SPTLC1: variants seen among roughly 807,000 people sequenced by gnomAD.
The protein encoded by SPTLC1 is serine palmitoyltransferase long chain base subunit 1.
SPTLC1 carries 55 observed loss-of-function variants against 68.9 expected under a neutral mutation model. That is an observed-to-expected ratio of 0.80 (90% CI 0.64 to 1.00). The LOEUF is 1.00. Among genes scored for constraint, SPTLC1 ranks in the 50% least tolerant of loss-of-function variants. SPTLC1 has a pLI of 0.00. For missense variants in SPTLC1, 449 were observed against 573.1 expected (o/e 0.78, Z 2.21); for synonymous variants, 197 against 201.6 (o/e 0.98, Z 0.19).
At chr9:92,073,969 G>C (rs1426744327) in intron 5 of SPTLC1, among the ~76,000 whole-genome samples, 2 of 152,214 alleles carry the variant, frequency 1.3e-5, no homozygotes, top group Admixed American at 6.5e-5. Flanking sequence ...ATGCCCCTGT[G>C]TGGGCCCTCA....
At chr9:92,101,539 GC>G (rs1835749761) in intron 3 of SPTLC1, among the ~76,000 whole-genome samples, 1 of 135,358 alleles carries the variant, frequency 7.4e-6, no homozygotes, top group African/African-American at 2.8e-5. Flanking sequence ...TCCAGCCTGG[GC>G]GACAGAGCAA....
intron 3 of SPTLC1, chr9:92,104,343 A>C: frequency 1.4e-6 from 2 of 1,387,820 alleles, no homozygotes; most frequent in Non-Finnish European, 1.9e-6. Flanking sequence ...CTGCCCCGGG[A>C]ATCTGGGGCC....
rs200751691 is a variant in SPTLC1, at chr9:92,068,052, T to G, written c.474A>C (p.Thr158=). The G allele has an allele frequency of 3.7e-5, 59 of 1,614,116 alleles. No homozygotes were observed. Among genetic ancestry groups the G allele is most frequent in the Non-Finnish European group, 4.7e-5 (56 of 1,179,984 alleles). ...CATATGAGTATATAATGGCTTCTTCTGTCTTCATAAATTTTGCCAGGCGGT... is the reference window on the plus strand; with the variant it reads ...CATATGAGTATATAATGGCTTCTTCGGTCTTCATAAATTTTGCCAGGCGGT... ...LEDRLAKFMK[T]EEAIIYSYGF... is the part of the protein sequence containing the mutation. Residue 158 remains threonine, a synonymous_variant, in exon 6 of 15, where the codon ACA becomes ACC. Transcript: ENST00000262554.
At chr9:92,078,882 A>C (rs751588340) in intron 5 of SPTLC1, among the ~76,000 whole-genome samples, 10 of 152,234 alleles carry the variant, frequency 6.6e-5, no homozygotes, top group Admixed American at 2.0e-4. Context: ...CTTAGGGATA[A>C]CATAAGGTGC....
chr9:92,108,888 A>T, intron 2 of SPTLC1, 54 bp from the exon 3 acceptor site: 1 of 1,584,522 alleles, frequency 6.3e-7, no homozygotes, highest in Non-Finnish European at 8.6e-7. Context: ...ATCAATTATT[A>T]GTGTCTCTGC....
At chr9:92,054,026 A>C in intron 8 of SPTLC1, 1 of 950,852 alleles carries the variant, frequency 1.1e-6, no homozygotes, top group Non-Finnish European at 1.3e-6. Flanking sequence ...TCACGCCTGT[A>C]ATCTCAGCAC....
intron 3 of SPTLC1, 26 bp downstream of exon 3, chr9:92,108,714 T>C (rs1368552607): frequency 1.3e-6 from 2 of 1,582,174 alleles, no homozygotes. Context: ...CAAATACAAG[T>C]ACTTCAGGTA....
chr9:92,103,010 T>C (rs915803538), intron 3 of SPTLC1, among the ~76,000 whole-genome samples: 18 of 152,210 alleles, frequency 1.2e-4, no homozygotes, highest in Non-Finnish European at 2.6e-4. Context: ...ATGACCAAAT[T>C]ATGTTTGTCA....
intron 3 of SPTLC1, among the ~76,000 whole-genome samples, chr9:92,089,412 T>TCAAAAA (rs1171151116): frequency 1.3e-5 from 2 of 151,894 alleles, no homozygotes; most frequent in African/African-American, 2.4e-5. Context: ...AAATTCTATC[T>TCAAAAA]CAAAAACAAA....
rs1456436248 is a variant in SPTLC1 at position 92,108,981 on chromosome 9, C to T, written c.166-147G>A. 2.3e-5 allele frequency: 29 copies of T among 1,247,952 alleles called. No individual in the cohort carries two copies. In the Middle Eastern group the frequency reaches 1.2e-3, roughly 50 times the overall value. 77.3% of individuals were successfully genotyped at this position (1,247,952 alleles called of 1,614,324 possible). Reference sequence around the variant, plus strand: ...TCTTATTCAAGCTTATGTCTTCACACTATTAGTACGTCTTTGTTCGCATAA... The same window carrying T: ...TCTTATTCAAGCTTATGTCTTCACATTATTAGTACGTCTTTGTTCGCATAA... On this transcript the variant is annotated intron_variant, in intron 2 of 14. Transcript: ENST00000262554.
At chr9:92,051,913 G>A (rs1471849474) in intron 8 of SPTLC1, among the ~76,000 whole-genome samples, 4 of 152,100 alleles carry the variant, frequency 2.6e-5, no homozygotes, top group Non-Finnish European at 5.9e-5. Flanking sequence ...GGTGCAGGAC[G>A]TATATACTAA....
intron 5 of SPTLC1, among the ~76,000 whole-genome samples, chr9:92,068,789 AC>A (rs998108850): frequency 2.9e-4 from 44 of 152,184 alleles, no homozygotes; most frequent in Admixed American, 2.8e-3. Flanking sequence ...ACAGCCTTTT[AC>A]CTCTCAGACT....
intron 3 of SPTLC1, among the ~76,000 whole-genome samples, chr9:92,093,469 GCA>G (rs573498464): frequency 5.9e-5 from 9 of 151,306 alleles, no homozygotes; most frequent in South Asian, 2.1e-4. Context: ...AAACAAGTGT[GCA>G]CACACACACA....
At chr9:92,067,530 T>C (rs542169815) in intron 6 of SPTLC1, among the ~76,000 whole-genome samples, 6 of 152,178 alleles carry the variant, frequency 3.9e-5, no homozygotes, top group Admixed American at 1.3e-4. Flanking sequence ...CACTTGTGGG[T>C]AGTCAAAGAA....
chr9:92,070,228 A>T (rs1012182080), intron 5 of SPTLC1: 1 of 152,206 alleles, frequency 6.6e-6, no homozygotes, highest in Non-Finnish European at 1.5e-5. Context: ...GTTTTGTGAC[A>T]GGTAAATATG....
At chr9:92,045,050 A>G (rs1485407539) in intron 12 of SPTLC1, among the ~76,000 whole-genome samples, 1 of 152,230 alleles carries the variant, frequency 6.6e-6, no homozygotes, top group Non-Finnish European at 1.5e-5. Context: ...ACTGGAACCA[A>G]TACAAATATA....
At chr9:92,103,686 G>A (rs528301031) in intron 3 of SPTLC1, among the ~76,000 whole-genome samples, 38 of 152,350 alleles carry the variant, frequency 2.5e-4, no homozygotes, top group African/African-American at 7.0e-4. Context: ...TTGAGGCCAC[G>A]GCAGCCATGG....
intron 3 of SPTLC1, among the ~76,000 whole-genome samples, chr9:92,087,543 G>A (rs542429495): frequency 6.6e-6 from 1 of 152,346 alleles, no homozygotes; most frequent in Admixed American, 6.5e-5. Flanking sequence ...CAGCAGCAGT[G>A]GCTGCAGAAC....
chr9:92,034,233 G>C (rs1052451194), intron 14 of SPTLC1, among the ~76,000 whole-genome samples: 1 of 152,248 alleles, frequency 6.6e-6, no homozygotes, highest in Admixed American at 6.5e-5. Context: ...GTGACTGCCT[G>C]GCCCAGTGCT....
Sources: allele counts gnomAD v4.1 joint callset (sites outside exome capture counted in the v4.1 genomes callset), GRCh38; gene constraint gnomAD v4.1.1; transcripts MANE v1.5; gene names NCBI Gene and HGNC (gene_info 2026-07-23, HGNC 2026-07-21).